ARMC10: variants seen among roughly 807,000 people sequenced by gnomAD.
ARMC10 encodes armadillo repeat containing 10.
A neutral mutation model predicts 30.2 loss-of-function variants in ARMC10; 23 were observed. That is an observed-to-expected ratio of 0.76 (90% CI 0.55 to 1.08). The LOEUF is 1.08. Among genes scored for constraint, ARMC10 ranks in the 50% least tolerant of loss-of-function variants. The pLI, the probability that ARMC10 is intolerant of heterozygous loss-of-function variation, is 0.00. For missense variants in ARMC10, 303 were observed against 413.7 expected, an observed-to-expected ratio of 0.73 and a Z score of 2.32; for synonymous variants, 111 against 164.4, an observed-to-expected ratio of 0.68 and a Z score of 2.48.
At chr7:103,083,113 A>G (rs1800535915) in intron 2 of ARMC10, 1 of 456,706 alleles carries the variant, frequency 2.2e-6, no homozygotes, top group Non-Finnish European at 4.4e-6. Flanking sequence ...AGGAGAAGCA[A>G]AATGTTATCA....
At chr7:103,083,590 C>A in intron 2 of ARMC10, 92 bp from the exon 3 acceptor site, 1 of 1,167,306 alleles carries the variant, frequency 8.6e-7, no homozygotes, top group Non-Finnish European at 1.2e-6. Context: ...TGTGCCACCG[C>A]ACACCAGCCT....
intron 2 of ARMC10, among the ~76,000 whole-genome samples, chr7:103,079,957 T>C (rs987552874): frequency 1.3e-5 from 2 of 152,228 alleles, no homozygotes; most frequent in Non-Finnish European, 2.9e-5. Flanking sequence ...ATGACAGTTA[T>C]CTTGAAATTT....
chr7:103,096,638 C>G (rs1270637873), intron 5 of ARMC10: 1 of 152,624 alleles, frequency 6.6e-6, no homozygotes, highest in African/African-American at 2.4e-5. Context: ...AGTGCAGTGG[C>G]TGTTCACAGG....
intron 4 of ARMC10, among the ~76,000 whole-genome samples, chr7:103,091,006 T>C (rs993063668): frequency 6.6e-6 from 1 of 152,232 alleles, no homozygotes; most frequent in African/African-American, 2.4e-5. Context: ...AATAATTGTT[T>C]ATGGGACAAT....
chr7:103,097,133 G>A (rs954089651), intron 5 of ARMC10, 144 bp from the exon 6 acceptor site: 3 of 687,612 alleles, frequency 4.4e-6, no homozygotes, highest in East Asian at 2.6e-5. Context: ...GAACGGAGAA[G>A]GTTTCCTGGA....
chr7:103,081,050 A>C (rs1800335915), intron 2 of ARMC10, among the ~76,000 whole-genome samples: 1 of 152,246 alleles, frequency 6.6e-6, no homozygotes, highest in Non-Finnish European at 1.5e-5. Flanking sequence ...CCCATTAATG[A>C]AAATAATATA....
chr7:103,081,985 A>C (rs1800424117), intron 2 of ARMC10: 1 of 451,724 alleles, frequency 2.2e-6, no homozygotes, highest in Admixed American at 2.4e-5. Context: ...CTTTAGGCAG[A>C]TCCTTGAACA....
intron 2 of ARMC10, among the ~76,000 whole-genome samples, chr7:103,076,544 A>G (rs1799854614): frequency 1.3e-5 from 2 of 152,190 alleles, no homozygotes; most frequent in African/African-American, 4.8e-5. Context: ...TCACTTTTAA[A>G]AAGATTTACA....
Position 103,086,692 on chromosome 7 carries a change from G to C in ARMC10, c.456G>C (p.Gln152His). ...CAAACAAAATCAACCATTCCAACCA[G>C]AGTATTAAAGAGAAAGCTTTAAATG... ...IVANKINHSN[Q>H]SIKEKALNAL... Residue 152 changes from glutamine to histidine, a missense_variant, in exon 4 of 7, where the codon CAG becomes CAC. Around this residue, in one of 4 missense-constraint regions of ARMC10, gnomAD observed 170 missense variants for 207.2 expected, o/e 0.82. Transcript: ENST00000323716. The C allele has an allele frequency of 3.1e-6, 5 of 1,594,690 alleles. No individual in the cohort carries two copies. The highest frequency in any genetic ancestry group is 4.3e-6 in the Non-Finnish European group (5 of 1,175,464).
chr7:103,090,990 T>A (rs534300403), intron 4 of ARMC10, among the ~76,000 whole-genome samples: 2,929 of 152,100 alleles, frequency 0.019, 96 homozygotes, highest in African/African-American at 0.065. Flanking sequence ...GGATTTTTTT[T>A]AAATTAATAA....
chr7:103,081,515 G>C (rs1800380570), intron 2 of ARMC10, among the ~76,000 whole-genome samples: 1 of 152,172 alleles, frequency 6.6e-6, no homozygotes, highest in Non-Finnish European at 1.5e-5. Flanking sequence ...GGGATTACAA[G>C]GCATCCTGCA....
intron 3 of ARMC10, among the ~76,000 whole-genome samples, chr7:103,085,606 C>CTTTTTTTTTTTT (rs10581217): frequency 3.8e-5 from 5 of 130,584 alleles, no homozygotes; most frequent in African/African-American, 1.4e-4. Context: ...CATTTCTCTT[C>CTTTTTTTTTTTT]TTTTTTTTTT....
Position 103,086,633 on chromosome 7 carries a change from A to C in ARMC10, c.397A>C (p.Ile133Leu), listed in dbSNP as rs755230564. The change falls in exon 4 of 7, where the codon ATT (isoleucine) becomes CTT (leucine). Residue 133 changes from isoleucine to leucine, a missense_variant. This residue lies in a region of ARMC10 where 170 missense variants were observed against 207.2 expected (regional missense o/e 0.82). Transcript: ENST00000323716. ...NNAAFSVNQA[I>L]IRELGGIPIV... ...TTTTTTTTTTTTCCCCTCGTAGGCTATTATTCGTGAATTGGGTGGTATTCC... is the reference window on the plus strand; with the variant it reads ...TTTTTTTTTTTTCCCCTCGTAGGCTCTTATTCGTGAATTGGGTGGTATTCC... 1.9e-6 allele frequency: 3 copies of C among 1,570,934 alleles called. No individual in the cohort carries two copies. Among genetic ancestry groups the C allele is most frequent in the Non-Finnish European group, 2.6e-6 (3 of 1,168,808 alleles).
chr7:103,079,215 T>G (rs1273150215), intron 2 of ARMC10, among the ~76,000 whole-genome samples: 1 of 151,374 alleles, frequency 6.6e-6, no homozygotes, highest in African/African-American at 2.4e-5. Flanking sequence ...AAAGTAATAA[T>G]ATACCAAGGC....
intron 5 of ARMC10, chr7:103,096,074 TAAG>T (rs1801737098): frequency 6.6e-6 from 1 of 152,048 alleles, no homozygotes; most frequent in Non-Finnish European, 1.5e-5. Context: ...CCCTAAAACT[TAAG>T]AATAATAATT....
chr7:103,097,411 A>T, intron 6 of ARMC10, 63 bp downstream of exon 6: 1 of 1,208,750 alleles, frequency 8.3e-7, no homozygotes, highest in Non-Finnish European at 1.2e-6. Flanking sequence ...AGACAGACAG[A>T]TCTGGAAAGA....
At chr7:103,094,229 G>C (rs1408499812) in intron 5 of ARMC10, among the ~76,000 whole-genome samples, 2 of 152,266 alleles carry the variant, frequency 1.3e-5, no homozygotes, top group African/African-American at 2.4e-5. Context: ...ACTTAATGCA[G>C]ATAGTGGAGG....
Position 103,075,472 on chromosome 7 carries a change from G to A in ARMC10, c.139+61G>A, listed in dbSNP as rs1055881945. Reference sequence around the variant, plus strand: ...CTGGGCAGGGGGGCTCCCCAGGCCGGGGTGGTGGCTTGCGTGTGCTCGGGG... The same window carrying A: ...CTGGGCAGGGGGGCTCCCCAGGCCGAGGTGGTGGCTTGCGTGTGCTCGGGG... On this transcript the variant is annotated intron_variant, in intron 1 of 6. Coordinates refer to ENST00000323716, the MANE Select transcript of ARMC10 (RefSeq NM_031905.5). 8 of 1,265,054 alleles carry A rather than the reference G, an allele frequency of 6.3e-6. No individual in the cohort carries two copies. In the African/African-American group the frequency reaches 9.1e-5, roughly 14 times the overall value. 78.4% of individuals were successfully genotyped at this position (1,265,054 alleles called of 1,614,324 possible). A position where few individuals can be genotyped will look rare whatever the true frequency, so the allele number is the denominator to read the frequency against.
rs1056921270 is a variant in ARMC10, at chr7:103,083,778, T to C, written c.341T>C (p.Ile114Thr). The C allele has an allele frequency of 8.1e-6, 13 of 1,614,078 alleles. No individual in the cohort carries two copies. The Admixed American group carries it at 8.3e-5, about 10-fold the overall frequency. The change falls in exon 3 of 7, where the codon ATT (isoleucine) becomes ACT (threonine). Residue 114 changes from isoleucine to threonine, a missense_variant. Physicochemically the swap from Ile to Thr is moderately conservative, Grantham distance 89 (BLOSUM62 -1). Around this residue, in one of 4 missense-constraint regions of ARMC10, gnomAD observed 170 missense variants for 207.2 expected, o/e 0.82. Coordinates refer to ENST00000323716, the MANE Select transcript of ARMC10 (RefSeq NM_031905.5). ...LLESTEDPVI[I>T]ERALITLGNN... ...GAGTCAACGGAGGATCCTGTAATTA[T>C]TGAAAGAGCTTTGATTACTTTGGGT...
Sources: allele counts gnomAD v4.1 joint callset (sites outside exome capture counted in the v4.1 genomes callset), GRCh38; gene constraint gnomAD v4.1.1; regional missense constraint gnomAD v4.1.1; transcripts MANE v1.5; gene names NCBI Gene and HGNC (gene_info 2026-07-23, HGNC 2026-07-21).